XIRP2: variants seen among roughly 807,000 people sequenced by gnomAD.
XIRP2 encodes the protein xin actin binding repeat containing 2.
XIRP2 carries 236 observed loss-of-function variants against 277.0 expected under a neutral mutation model. The ratio of observed to expected loss-of-function variants is 0.85; its 90% confidence interval spans 0.77 to 0.95. The LOEUF is 0.95. Ranked by LOEUF, XIRP2 falls within the 40% of genes least tolerant of loss-of-function variation. XIRP2 has a pLI of 0.00. For missense variants in XIRP2, 4,640 were observed against 4,157.5 expected (o/e 1.12, Z -3.19); for synonymous variants, 1,490 against 1,416.5 (o/e 1.05, Z -1.17).
At chr2:167,005,789 TAA>T (rs5836128) in intron 2 of XIRP2, among the ~76,000 whole-genome samples, 49,791 of 147,260 alleles carry the variant, frequency 0.34, 9,011 homozygotes, top group African/African-American at 0.47. Flanking sequence ...TCTTTATTGA[TAA>T]AAAAAAAAAA....
At chr2:167,139,333 A>G (rs2105321640) in intron 3 of XIRP2, among the ~76,000 whole-genome samples, 1 of 152,238 alleles carries the variant, frequency 6.6e-6, no homozygotes, top group South Asian at 2.1e-4. Flanking sequence ...GTTTTTTAAT[A>G]TGACAATTGC....
chr2:167,080,829 C>T (rs1316834173), intron 2 of XIRP2, among the ~76,000 whole-genome samples: 1 of 151,940 alleles, frequency 6.6e-6, no homozygotes, highest in Non-Finnish European at 1.5e-5. Flanking sequence ...TTTTATTTAA[C>T]CTTGATTTAT....
intron 2 of XIRP2, among the ~76,000 whole-genome samples, chr2:166,972,805 A>G (rs532244869): frequency 1.3e-5 from 2 of 152,246 alleles, no homozygotes; most frequent in East Asian, 3.9e-4. Flanking sequence ...ATTCCATTCT[A>G]TTGTCATTCA....
chr2:166,964,123 C>G (rs191844387), intron 2 of XIRP2, among the ~76,000 whole-genome samples: 26 of 151,834 alleles, frequency 1.7e-4, no homozygotes, highest in Admixed American at 5.9e-4. Flanking sequence ...AGTCATTGAA[C>G]TGGACATTGT....
chr2:167,132,897 T>C (rs746587029), intron 2 of XIRP2, among the ~76,000 whole-genome samples: 4 of 152,198 alleles, frequency 2.6e-5, no homozygotes, highest in Non-Finnish European at 5.9e-5. Flanking sequence ...TACTGACTCC[T>C]GGGCTTCGTT....
At chr2:167,173,018 T>G (rs549372104) in intron 3 of XIRP2, among the ~76,000 whole-genome samples, 5 of 152,218 alleles carry the variant, frequency 3.3e-5, no homozygotes, top group Non-Finnish European at 7.3e-5. Context: ...CCATGAAATC[T>G]TCACAATTTA....
chr2:167,027,619 T>G (rs1380321402), intron 2 of XIRP2, among the ~76,000 whole-genome samples: 1 of 152,082 alleles, frequency 6.6e-6, no homozygotes, highest in Non-Finnish European at 1.5e-5. Context: ...GCTCTGTTTT[T>G]TCCCCATCTT....
At chr2:167,173,887 T>C (rs912344007) in intron 3 of XIRP2, among the ~76,000 whole-genome samples, 2 of 152,328 alleles carry the variant, frequency 1.3e-5, no homozygotes, top group Middle Eastern at 3.4e-3. Context: ...CACTTTTTCA[T>C]ATGCCTGTTT....
chr2:167,112,624 T>G (rs973649379), intron 2 of XIRP2, among the ~76,000 whole-genome samples: 3 of 149,182 alleles, frequency 2.0e-5, no homozygotes, highest in African/African-American at 7.4e-5. Context: ...TCTCTATATA[T>G]TTTTATGTAT....
intron 2 of XIRP2, among the ~76,000 whole-genome samples, chr2:166,930,855 G>T (rs950103583): frequency 6.6e-6 from 1 of 152,142 alleles, no homozygotes; most frequent in Admixed American, 6.5e-5. Flanking sequence ...AAATTTGAAT[G>T]AATTGTGTGT....
intron 3 of XIRP2, among the ~76,000 whole-genome samples, chr2:167,205,360 A>C (rs1693825795): frequency 6.6e-6 from 1 of 152,338 alleles, no homozygotes; most frequent in Middle Eastern, 3.4e-3. Flanking sequence ...AAACCTTATT[A>C]ATTATATAAG....
chr2:167,115,833 C>G (rs773208568), intron 2 of XIRP2, among the ~76,000 whole-genome samples: 29 of 152,142 alleles, frequency 1.9e-4, no homozygotes, highest in Non-Finnish European at 3.2e-4. Flanking sequence ...GGGTTGGAAG[C>G]TCTAGCAGAT....
intron 2 of XIRP2, among the ~76,000 whole-genome samples, chr2:167,029,933 AG>A (rs1281945551): frequency 2.0e-5 from 3 of 151,896 alleles, no homozygotes; most frequent in African/African-American, 4.8e-5. Flanking sequence ...TTTTCTTCCT[AG>A]TCTTGGGAGT....
chr2:166,994,918 ACTT>A (rs1687174275), intron 2 of XIRP2, among the ~76,000 whole-genome samples: 1 of 149,950 alleles, frequency 6.7e-6, no homozygotes, highest in African/African-American at 2.5e-5. Flanking sequence ...GTGGGCTTTG[ACTT>A]CTTTTTTTTT....
chr2:167,061,842 T>C (rs1689181217), intron 2 of XIRP2, among the ~76,000 whole-genome samples: 1 of 151,950 alleles, frequency 6.6e-6, no homozygotes, highest in Admixed American at 6.6e-5. Context: ...AGAGAAAGTA[T>C]GAGCCTGATG....
intron 2 of XIRP2, among the ~76,000 whole-genome samples, chr2:167,116,778 A>T (rs1270691777): frequency 6.6e-6 from 1 of 152,222 alleles, no homozygotes; most frequent in Non-Finnish European, 1.5e-5. Context: ...TTAGAAAAAA[A>T]TACTATCCTC....
At chr2:167,132,635 C>T (rs1314735321) in intron 2 of XIRP2, among the ~76,000 whole-genome samples, 2 of 152,180 alleles carry the variant, frequency 1.3e-5, no homozygotes, top group East Asian at 1.9e-4. Context: ...CGGCCTGCCT[C>T]TGCAGGCCAT....
rs1690561134 is a variant in XIRP2, at chr2:167,104,350, AG to A, written c.409-31558del. Among the ~76,000 whole-genome samples the A allele has an allele frequency of 2.0e-5, 3 of 152,156 alleles. 1 individual carries two copies. The South Asian group carries it at 6.2e-4, about 31-fold the overall frequency. The stretch of plus-strand genomic sequence containing the variant: ...AGAATAAAAATTATAAGTCCCCCTT[AG>A]TACTTCCACCAACCCATCATAACAA... On this transcript the variant is annotated intron_variant, in intron 2 of 10. Coordinates refer to ENST00000409195, the MANE Select transcript of XIRP2 (RefSeq NM_152381.6).
intron 1 of XIRP2, among the ~76,000 whole-genome samples, chr2:166,890,813 C>T (rs369869814): frequency 6.6e-6 from 1 of 152,152 alleles, no homozygotes; most frequent in Non-Finnish European, 1.5e-5. Flanking sequence ...CCATATCCTC[C>T]AGACAGTTTT....
Sources: gnomAD v4.1 joint callset for allele counts (sites outside exome capture counted in the v4.1 genomes callset) on GRCh38, gnomAD v4.1.1 for gene constraint, MANE v1.5 for transcripts, NCBI Gene and HGNC (gene_info 2026-07-23, HGNC 2026-07-21) for gene names.